ESRRG: variants seen among roughly 807,000 people sequenced by gnomAD.
ESRRG encodes the protein estrogen-related receptor gamma.
In ESRRG, 13 loss-of-function variants were observed where a neutral mutation model predicts 44.0. That is an observed-to-expected ratio of 0.30 (90% CI 0.19 to 0.47). The LOEUF (loss-of-function observed/expected upper bound fraction) is 0.47. Ranked by LOEUF, ESRRG falls within the 20% of genes least tolerant of loss-of-function variation. The pLI, the probability that ESRRG is intolerant of heterozygous loss-of-function variation, is 1.00. For synonymous variants in ESRRG, 215 were observed against 214.6 expected (o/e 1.00, Z -0.02); for missense variants, 395 against 580.6 (o/e 0.68, Z 3.29).
chr1:216,868,009 G>A (rs769815274), intron 2 of ESRRG, among the ~76,000 whole-genome samples: 4 of 147,810 alleles, frequency 2.7e-5, no homozygotes, highest in Non-Finnish European at 4.5e-5. Context: ...GGATACTACA[G>A]TATGTCACTT....
chr1:216,833,876 G>A (rs1414308156), intron 2 of ESRRG, among the ~76,000 whole-genome samples: 1 of 152,174 alleles, frequency 6.6e-6, no homozygotes, highest in Non-Finnish European at 1.5e-5. Context: ...AGGCTGGCTC[G>A]AGGAGCACCC....
chr1:216,913,200 G>A (rs2060707555), intron 2 of ESRRG, among the ~76,000 whole-genome samples: 1 of 151,368 alleles, frequency 6.6e-6, no homozygotes, highest in Admixed American at 6.6e-5. Flanking sequence ...CTCAACATGT[G>A]CAGACTTTTT....
chr1:216,541,612 G>GTGT, intron 5 of ESRRG, among the ~76,000 whole-genome samples: 1 of 132,642 alleles, frequency 7.5e-6, no homozygotes, highest in Non-Finnish European at 1.7e-5. Context: ...GTGTGTATGT[G>GTGT]ATCAGCTATT....
intron 1 of ESRRG, among the ~76,000 whole-genome samples, chr1:217,023,256 G>A (rs557119177): frequency 1.3e-5 from 2 of 152,206 alleles, no homozygotes; most frequent in Admixed American, 1.3e-4. Context: ...AGCTGCAATC[G>A]TACATCAATA....
At chr1:216,964,967 T>G (rs1324318197) in intron 1 of ESRRG, among the ~76,000 whole-genome samples, 1 of 152,190 alleles carries the variant, frequency 6.6e-6, no homozygotes, top group Non-Finnish European at 1.5e-5. Flanking sequence ...AATAGTTCAA[T>G]AAATTTCACA....
chr1:216,761,006 G>A (rs2092739032), intron 2 of ESRRG, among the ~76,000 whole-genome samples: 2 of 151,996 alleles, frequency 1.3e-5, no homozygotes, highest in East Asian at 1.9e-4. Context: ...GTTCATATCG[G>A]CTCCATCTAG....
intron 3 of ESRRG, among the ~76,000 whole-genome samples, chr1:216,589,954 A>G (rs963785310): frequency 2.1e-5 from 3 of 143,124 alleles, no homozygotes; most frequent in African/African-American, 7.7e-5. Flanking sequence ...AATTTAGCCC[A>G]CAAAATAGAG....
intron 2 of ESRRG, among the ~76,000 whole-genome samples, chr1:216,793,881 T>C (rs937807367): frequency 6.6e-6 from 1 of 152,044 alleles, no homozygotes. Flanking sequence ...TCTGAATGAA[T>C]GATCCTCTCC....
At chr1:216,984,705 G>T (rs1295793300) in intron 1 of ESRRG, among the ~76,000 whole-genome samples, 1 of 152,164 alleles carries the variant, frequency 6.6e-6, no homozygotes, top group African/African-American at 2.4e-5. Context: ...ATCCCTTAGT[G>T]AGCCCACAGG....
intron 3 of ESRRG, among the ~76,000 whole-genome samples, chr1:216,598,654 C>T (rs2058766445): frequency 6.6e-6 from 1 of 152,134 alleles, no homozygotes; most frequent in Non-Finnish European, 1.5e-5. Flanking sequence ...CACTTAAAGT[C>T]ATGCTGTGCT....
chr1:216,933,541 G>A (rs1165127233), intron 2 of ESRRG, among the ~76,000 whole-genome samples: 1 of 152,132 alleles, frequency 6.6e-6, no homozygotes, highest in Non-Finnish European at 1.5e-5. Context: ...GGTGAACATG[G>A]AGCTGATGAG....
At chr1:216,627,267 A>T (rs2063338947) in intron 3 of ESRRG, among the ~76,000 whole-genome samples, 2 of 152,192 alleles carry the variant, frequency 1.3e-5, no homozygotes, top group South Asian at 4.1e-4. Context: ...GCCATTTTTT[A>T]AAATGTATAA....
intron 2 of ESRRG, among the ~76,000 whole-genome samples, chr1:216,780,474 A>T (rs1264021837): frequency 6.6e-6 from 1 of 152,048 alleles, no homozygotes; most frequent in Admixed American, 6.6e-5. Context: ...GATATGGAAT[A>T]AGAGCTAGAA....
intron 3 of ESRRG, among the ~76,000 whole-genome samples, chr1:216,598,919 G>C: frequency 6.6e-6 from 1 of 151,836 alleles, no homozygotes; most frequent in Non-Finnish European, 1.5e-5. Flanking sequence ...TTGAAATCTA[G>C]GTAAGGAAGA....
At chr1:217,032,715 A>G (rs2082254880) in intron 1 of ESRRG, among the ~76,000 whole-genome samples, 1 of 152,238 alleles carries the variant, frequency 6.6e-6, no homozygotes, top group Admixed American at 6.5e-5. Flanking sequence ...GATAGTACAT[A>G]TCAGTTTCAC....
chr1:216,599,833 A>G (rs1009124392), intron 3 of ESRRG, among the ~76,000 whole-genome samples: 1 of 152,054 alleles, frequency 6.6e-6, no homozygotes, highest in African/African-American at 2.4e-5. Flanking sequence ...GAAAAAAAAA[A>G]AAAGAAAGAG....
chr1:217,020,843 A>G (rs2080189488), intron 1 of ESRRG, among the ~76,000 whole-genome samples: 2 of 152,214 alleles, frequency 1.3e-5, no homozygotes, highest in Non-Finnish European at 2.9e-5. Flanking sequence ...AATTACTGAG[A>G]GAATCTCATT....
chr1:217,126,377 C>T lies in ESRRG; in HGVS notation c.-230+11290G>A, dbSNP rs72743330. Among the ~76,000 whole-genome samples the T allele has an allele frequency of 4.3e-3, 661 of 152,214 alleles. 2 individuals are homozygous for T. The highest frequency in any genetic ancestry group is 7.9e-3 in the Non-Finnish European group (539 of 68,026). ...CTATAATATTAAACAAATTATATCA[C>T]GCCAAGTGGTACAGTGCAGAAAGGT... On this transcript the variant is annotated intron_variant, in intron 1 of 8. Coordinates refer to the ESRRG transcript ENST00000366940.
intron 5 of ESRRG, among the ~76,000 whole-genome samples, chr1:216,537,868 A>G (rs1231915685): frequency 6.6e-6 from 1 of 152,116 alleles, no homozygotes; most frequent in African/African-American, 2.4e-5. Context: ...TTGAGAACTT[A>G]GAATTTAACC....
Sources: allele counts gnomAD v4.1 joint callset (sites outside exome capture counted in the v4.1 genomes callset), GRCh38; gene constraint gnomAD v4.1.1; transcripts MANE v1.5; gene names NCBI Gene and HGNC (gene_info 2026-07-23, HGNC 2026-07-21).